Variants in KY observed in about 807,000 individuals in gnomAD.
The protein encoded by KY is kyphoscoliosis peptidase.
In KY, 43 loss-of-function variants were observed where a neutral mutation model predicts 76.1. That is an observed-to-expected ratio of 0.57 (90% CI 0.44 to 0.73). The LOEUF (loss-of-function observed/expected upper bound fraction) is 0.73, where lower values mean the gene tolerates loss of function less well. Among genes scored for constraint, KY ranks in the 30% least tolerant of loss-of-function variants. KY has a pLI of 0.00. For missense variants in KY, 722 were observed against 828.9 expected (o/e 0.87, Z 1.58); for synonymous variants, 277 against 326.2 (o/e 0.85, Z 1.63).
At chr3:134,624,813 G>A (rs1161467991) in intron 6 of KY, among the ~76,000 whole-genome samples, 1 of 152,114 alleles carries the variant, frequency 6.6e-6, no homozygotes, top group Non-Finnish European at 1.5e-5. Context: ...AGGGTGTGTT[G>A]TATGGGGTGG....
chr3:134,619,168 G>A lies in KY; in HGVS notation c.690C>T (p.Gly230=). 6.2e-7 allele frequency: 1 copy of A among 1,613,840 alleles called. No individual in the cohort carries two copies. The highest frequency in any genetic ancestry group is 8.5e-7 in the Non-Finnish European group (1 of 1,179,800). ...CGTACCTGCACATTCTCTCGAAGAGGCCAGCATAGCCATCACAGTTGGTCT... is the reference window on the plus strand; with the variant it reads ...CGTACCTGCACATTCTCTCGAAGAGACCAGCATAGCCATCACAGTTGGTCT... The part of the protein sequence containing the change: ...TQKTNCDGYA[G]LFERMCRLAG... Residue 230 remains glycine (G), a synonymous_variant, in exon 8 of 11, where the codon GGC becomes GGT. Transcript: ENST00000423778.
At chr3:134,626,528 C>T (rs1387735357) in intron 5 of KY, among the ~76,000 whole-genome samples, 2 of 152,164 alleles carry the variant, frequency 1.3e-5, no homozygotes, top group Admixed American at 1.3e-4. Flanking sequence ...GGACATGTGG[C>T]CTCCCTGCCT....
intron 1 of KY, among the ~76,000 whole-genome samples, 183 bp downstream of exon 1, chr3:134,650,642 G>C (rs1404672023): frequency 6.6e-6 from 1 of 152,116 alleles, no homozygotes; most frequent in African/African-American, 2.4e-5. Context: ...GCGTTGCCAC[G>C]GGACTGCGCG....
intron 9 of KY, among the ~76,000 whole-genome samples, chr3:134,609,908 A>C (rs953871704): frequency 2.0e-5 from 3 of 152,182 alleles, no homozygotes; most frequent in African/African-American, 7.2e-5. Flanking sequence ...ACCTTTCCTC[A>C]TGTGTGGTCT....
chr3:134,624,750 C>T (rs551780192), intron 6 of KY, among the ~76,000 whole-genome samples: 24 of 152,218 alleles, frequency 1.6e-4, no homozygotes, highest in African/African-American at 5.8e-4. Flanking sequence ...CCAAAAGGGG[C>T]ATGGAGAAGG....
chr3:134,648,927 A>T (rs1966758212), intron 1 of KY, among the ~76,000 whole-genome samples: 3 of 152,182 alleles, frequency 2.0e-5, no homozygotes, highest in Admixed American at 2.0e-4. Flanking sequence ...GAAGTGAGCA[A>T]GAGTTTGTTT....
chr3:134,634,083 C>T (rs749392185), intron 3 of KY, among the ~76,000 whole-genome samples: 1 of 152,096 alleles, frequency 6.6e-6, no homozygotes, highest in Non-Finnish European at 1.5e-5. Context: ...ATACTGAAAA[C>T]TCCAAAATAT....
chr3:134,648,109 G>A (rs566788645), intron 1 of KY, among the ~76,000 whole-genome samples: 74 of 152,352 alleles, frequency 4.9e-4, no homozygotes, highest in Non-Finnish European at 1.5e-5. Context: ...CCGCAAGGTC[G>A]AGTTCCTGGC....
Position 134,610,192 on chromosome 3 carries a change from T to C in KY, c.899+3A>G, listed in dbSNP as rs771221181. 90 of 1,611,230 alleles carry C rather than the reference T, an allele frequency of 5.6e-5. No homozygotes were observed. The highest frequency in any genetic ancestry group is 7.1e-5 in the Non-Finnish European group (84 of 1,178,532). ...GCCCAGCAGAACTGAGACAAGTACT[T>C]ACAGGAAGGTGAATTTGGAGGTGAT... On this transcript the variant is annotated splice_donor_region_variant and intron_variant, in intron 9 of 10. Coordinates refer to ENST00000423778, the MANE Select transcript of KY (RefSeq NM_178554.6).
intron 3 of KY, among the ~76,000 whole-genome samples, chr3:134,642,593 T>G (rs1402369270): frequency 6.6e-6 from 1 of 152,090 alleles, no homozygotes; most frequent in Non-Finnish European, 1.5e-5. Flanking sequence ...CCCCAAAAAG[T>G]GAGGACTCCC....
intron 10 of KY, chr3:134,608,303 C>A: frequency 8.1e-7 from 1 of 1,231,246 alleles, no homozygotes; most frequent in Non-Finnish European, 1.0e-6. Context: ...ACTCACCCAG[C>A]TAGGAAGTGC....
At chr3:134,618,638 T>G (rs939344006) in intron 8 of KY, among the ~76,000 whole-genome samples, 1 of 151,268 alleles carries the variant, frequency 6.6e-6, no homozygotes, top group African/African-American at 2.4e-5. Flanking sequence ...CCTGGCCATA[T>G]GCCCACTCCC....
intron 8 of KY, among the ~76,000 whole-genome samples, chr3:134,613,494 A>C (rs957160241): frequency 3.9e-5 from 6 of 152,134 alleles, no homozygotes; most frequent in Non-Finnish European, 4.4e-5. Context: ...GCCAGGAAAT[A>C]AGGTCACCTC....
intron 3 of KY, among the ~76,000 whole-genome samples, chr3:134,635,238 T>C (rs1964766596): frequency 6.6e-6 from 1 of 152,182 alleles, no homozygotes; most frequent in Non-Finnish European, 1.5e-5. Context: ...GGCTCATGCC[T>C]GTAATCCCAG....
intron 4 of KY, among the ~76,000 whole-genome samples, chr3:134,628,569 T>G (rs189018080): frequency 6.6e-6 from 1 of 152,332 alleles, no homozygotes; most frequent in East Asian, 1.9e-4. Flanking sequence ...CTCCATTTAT[T>G]TCTCACACCT....
chr3:134,608,891 G>C, intron 9 of KY, 52 bp from the exon 10 acceptor site: 4 of 1,559,256 alleles, frequency 2.6e-6, no homozygotes, highest in Non-Finnish European at 3.5e-6. Context: ...GGGAGGCAGG[G>C]GCCCAATACA....
intron 3 of KY, chr3:134,640,075 C>G (rs1169096963): frequency 6.6e-6 from 1 of 152,360 alleles, no homozygotes; most frequent in Non-Finnish European, 1.5e-5. Context: ...AAGCCCCTTC[C>G]CATGACCCAA....
At chr3:134,640,573 C>T (rs750767903) in intron 3 of KY, among the ~76,000 whole-genome samples, 1 of 151,956 alleles carries the variant, frequency 6.6e-6, no homozygotes, top group South Asian at 2.1e-4. Flanking sequence ...CGGTGTGGTT[C>T]GCAGAACAGA....
intron 8 of KY, among the ~76,000 whole-genome samples, chr3:134,616,384 C>T (rs1003161240): frequency 2.0e-5 from 3 of 152,206 alleles, no homozygotes; most frequent in Admixed American, 6.5e-5. Context: ...TCCACCCTGA[C>T]AACCAAGAAG....
Sources: allele counts gnomAD v4.1 joint callset (sites outside exome capture counted in the v4.1 genomes callset), GRCh38; gene constraint gnomAD v4.1.1; transcripts MANE v1.5; gene names NCBI Gene and HGNC (gene_info 2026-07-23, HGNC 2026-07-21).